The following NOS3 variants were observed in gnomAD, a reference collection of about 807,000 sequenced individuals.
NOS3 encodes the protein NOS type III.
NOS3 carries 98 observed loss-of-function variants against 144.9 expected under a neutral mutation model. The observed-to-expected ratio is 0.68, with a 90% CI of 0.57 to 0.80. NOS3 has a LOEUF of 0.80. NOS3 is among the 30% of genes least tolerant of loss of function. The pLI, the probability that NOS3 is intolerant of heterozygous loss-of-function variation, is 0.00. For synonymous variants in NOS3, 714 were observed against 702.4 expected, an observed-to-expected ratio of 1.02 and a Z score of -0.26; for missense variants, 1,465 against 1,656.4, an observed-to-expected ratio of 0.88 and a Z score of 2.01.
chr7:151,007,124 T>C lies in NOS3; in HGVS notation c.1960T>C (p.Ser654Pro). 1 of 1,613,996 alleles carries C rather than the reference T, an allele frequency of 6.2e-7. No individual in the cohort carries two copies. Among genetic ancestry groups the C allele is most frequent in the East Asian group, 2.2e-5 (1 of 44,870 alleles). The change falls in exon 17 of 27, where the codon TCC (serine) becomes CCC (proline). Residue 654 changes from serine to proline, a missense_variant. Physicochemically the swap from Ser to Pro is moderately conservative, Grantham distance 74. This residue lies in a region of NOS3 where 745 missense variants were observed against 853.9 expected (regional missense o/e 0.87). Coordinates refer to ENST00000297494, the MANE Select transcript of NOS3 (RefSeq NM_000603.5). ...TLRFCVFGLG[S>P]RAYPHFCAFA... Reference sequence around the variant, plus strand: ...CAGGTTCTGTGTGTTCGGGCTCGGCTCCCGGGCATACCCCCACTTCTGCGC... The same window carrying C: ...CAGGTTCTGTGTGTTCGGGCTCGGCCCCCGGGCATACCCCCACTTCTGCGC...
Position 151,002,621 on chromosome 7 carries a change from A to C in NOS3, c.1752+317A>C, listed in dbSNP as rs1795134948. On this transcript the variant is annotated intron_variant, in intron 14 of 26. Coordinates refer to ENST00000297494, the MANE Select transcript of NOS3 (RefSeq NM_000603.5). This position sits in a 1 kb window ranked among gnomAD's most constrained non-coding sequence, Gnocchi z 4.1. ...CAAGTTTTTAATACAAGGAAGGCAC[A>C]TCCTGGCTGACCAAGAGGTTAGACT... 6.6e-6 allele frequency among the ~76,000 whole-genome samples: 1 copy of C among 152,198 alleles called. No individual in the cohort carries two copies. Among genetic ancestry groups the C allele is most frequent in the Non-Finnish European group, 1.5e-5 (1 of 68,042 alleles).
intron 4 of NOS3, 89 bp downstream of exon 4, chr7:150,996,641 C>A: frequency 6.7e-7 from 1 of 1,495,134 alleles, no homozygotes; most frequent in East Asian, 2.3e-5. Flanking sequence ...CCTCCCTTCC[C>A]AGATCCTAAC....
At chr7:151,009,787 C>T (rs1795266594) in intron 20 of NOS3, among the ~76,000 whole-genome samples, 1 of 152,222 alleles carries the variant, frequency 6.6e-6, no homozygotes, top group Non-Finnish European at 1.5e-5. Flanking sequence ...TCAAATGCAC[C>T]CCCACCAAAA....
Position 150,999,178 on chromosome 7 carries a change from C to A in NOS3, c.957-12C>A. On this transcript the variant is annotated splice_polypyrimidine_tract_variant and intron_variant, in intron 8 of 26. Coordinates refer to ENST00000297494, the MANE Select transcript of NOS3 (RefSeq NM_000603.5). ...GCAAGGGGGTGCTGATCCCACACCC[C>A]AACACCCCCAGGCTGGAGTGGTTTG... 1 of 1,609,762 alleles carries A rather than the reference C, an allele frequency of 6.2e-7. No homozygotes were observed. Among genetic ancestry groups the A allele is most frequent in the Non-Finnish European group, 8.5e-7 (1 of 1,178,812 alleles).
Position 151,014,078 on chromosome 7 carries a change from G to A in NOS3, c.3521G>A (p.Arg1174His). ...LRTQEVTSRI[R>H]TQSFSLQERQ... is the part of the protein sequence containing the mutation. Reference sequence around the variant, plus strand: ...ACCCAGGAGGTGACAAGCCGCATACGCACCCAGAGCTTTTCCTTGCAGGAG... The same window carrying A: ...ACCCAGGAGGTGACAAGCCGCATACACACCCAGAGCTTTTCCTTGCAGGAG... The change falls in exon 27 of 27, where the codon CGC becomes CAC. Residue 1174 changes from arginine to histidine, a missense_variant. This residue lies in a region of NOS3 where 228 missense variants were observed against 227.7 expected (regional missense o/e 1.00). Transcript: ENST00000297494. 6.2e-7 allele frequency: 1 copy of A among 1,613,834 alleles called. No individual in the cohort carries two copies. Among genetic ancestry groups the A allele is most frequent in the Non-Finnish European group, 8.5e-7 (1 of 1,179,922 alleles).
chr7:151,010,152 G>GC lies in NOS3; in HGVS notation c.2555dup (p.Cys853ValfsTer179). 2 of 1,609,570 alleles carry GC rather than the reference G, an allele frequency of 1.2e-6. No homozygotes were observed. The highest frequency in any genetic ancestry group is 1.7e-6 in the Non-Finnish European group (2 of 1,178,452). ...CCGGCTGGGTGCGGGACCCCCGGCTGCCCCCGTGCACGCTGCGCCAGGCTC... is the reference window on the plus strand; with the variant it reads ...CCGGCTGGGTGCGGGACCCCCGGCTGCCCCCCGTGCACGCTGCGCCAGGCTC... On this transcript the variant is annotated frameshift_variant, in exon 21 of 27. Transcript: ENST00000297494. LOFTEE classifies it high-confidence loss of function.
rs3138808 is a variant in NOS3 at position 151,002,383 on chromosome 7, AACACACACACACACACACACACAC to A, written c.1752+126_1752+149del. On this transcript the variant is annotated intron_variant, in intron 14 of 26. Coordinates refer to ENST00000297494, the MANE Select transcript of NOS3 (RefSeq NM_000603.5). The surrounding 1 kb of genome is among the most constrained non-coding windows in gnomAD (Gnocchi z 4.1). ...AGTGACTGGGCAGGAACCTCTGCCC[AACACACACACACACACACACACAC>A]ACACACACACACACACACACACACA... 5.3e-3 allele frequency: 1,440 copies of A among 270,876 alleles called. 4 individuals carry two copies. The highest frequency in any genetic ancestry group is 0.015 in the East Asian group (146 of 9,796). 16.8% of individuals were successfully genotyped at this position (270,876 alleles called of 1,614,324 possible). A position where few individuals can be genotyped will look rare whatever the true frequency, so the allele number is the denominator to read the frequency against.
At chr7:150,991,684 C>T (rs1349242878) in intron 1 of NOS3, among the ~76,000 whole-genome samples, 2 of 152,142 alleles carry the variant, frequency 1.3e-5, no homozygotes, top group Non-Finnish European at 2.9e-5. Flanking sequence ...AGGGACGGGC[C>T]ACAGCCAGTG....
chr7:151,006,631 C>A, intron 15 of NOS3, 137 bp downstream of exon 15: 1 of 776,656 alleles, frequency 1.3e-6, no homozygotes, highest in Non-Finnish European at 2.1e-6. Context: ...GGATGCCCTC[C>A]ATTCCAGGCT....
At position 151,003,651 on chromosome 7, in the gene NOS3, TC is replaced by T; in HGVS notation, c.1752+1350del. The T allele has an allele frequency of 1.3e-6, 1 of 760,822 alleles. No individual in the cohort carries two copies. The highest frequency in any genetic ancestry group is 2.0e-6 in the Non-Finnish European group (1 of 491,714). The allele number at this position is 760,822 out of a possible 1,614,324, so 47.1% of individuals were successfully genotyped here. A position where few individuals can be genotyped will look rare whatever the true frequency, so the allele number is the denominator to read the frequency against. On this transcript the variant is annotated intron_variant, in intron 14 of 26. Transcript: ENST00000297494. The surrounding 1 kb of genome is among the most constrained non-coding windows in gnomAD (Gnocchi z 4.1). The stretch of plus-strand genomic sequence containing the variant: ...TCATCAGTTCCTCACGTGAATCCCT[TC>T]CCAGTCTGTCTCCCTGCCAGAAGTG...
intron 25 of NOS3, 24 bp downstream of exon 25, chr7:151,013,403 G>A: frequency 6.2e-7 from 1 of 1,601,260 alleles, no homozygotes; most frequent in South Asian, 1.1e-5. Flanking sequence ...AGGGCGCAAT[G>A]GTAACCTGAA....
chr7:151,001,189 G>A, intron 10 of NOS3, 42 bp from the exon 11 acceptor site: 2 of 1,600,076 alleles, frequency 1.2e-6, no homozygotes, highest in Non-Finnish European at 8.5e-7. Flanking sequence ...GGCGAGGTCT[G>A]TGGGTCTGGT....
In NOS3 at chr7:150,996,494, G is replaced by A. The variant is rs1454683234; in HGVS notation, c.361G>A (p.Glu121Lys). The part of the protein sequence containing the change: ...GRPSPGPPAP[E>K]QLLSQARDFI... ...GCCCTCCCCCGGCCCCCCGGCCCCTGAGCAGCTGCTGAGTCAGGCCCGGGA... is the reference window on the plus strand; with the variant it reads ...GCCCTCCCCCGGCCCCCCGGCCCCTAAGCAGCTGCTGAGTCAGGCCCGGGA... The change falls in exon 4 of 27, where the codon GAG becomes AAG. Residue 121 changes from glutamate (E) to lysine (K), a missense_variant. Glu to Lys is a moderately conservative substitution (Grantham distance 56). This residue lies in a region of NOS3 where 374 missense variants were observed against 377.0 expected (regional missense o/e 0.99). Coordinates refer to ENST00000297494, the MANE Select transcript of NOS3 (RefSeq NM_000603.5). The A allele has an allele frequency of 5.0e-6, 8 of 1,603,970 alleles. No individual in the cohort carries two copies. In the South Asian group the frequency reaches 7.8e-5, roughly 16 times the overall value.
At chr7:150,997,653 C>A (rs568368586) in intron 5 of NOS3, among the ~76,000 whole-genome samples, 10 of 152,336 alleles carry the variant, frequency 6.6e-5, no homozygotes, top group Admixed American at 2.0e-4. Flanking sequence ...CCCAGTGAAT[C>A]CCAAAGGAAC....
chr7:151,012,320 A>C, intron 23 of NOS3, 31 bp from the exon 24 acceptor site: 2 of 1,536,654 alleles, frequency 1.3e-6, no homozygotes, highest in African/African-American at 1.4e-5. Flanking sequence ...GGAAAGGCAA[A>C]GGGGACCTGA....
rs1795261927 is a variant in NOS3, at chr7:151,009,577, G to A, written c.2504G>A (p.Gly835Asp). The A allele has an allele frequency of 6.5e-6, 10 of 1,534,558 alleles. No homozygotes were observed. The highest frequency in any genetic ancestry group is 8.8e-6 in the Non-Finnish European group (10 of 1,140,058). ...GTGGCAGTAGAGCAGCTGGAGAAGG[G>A]CAGCCCTGGTGAGGGGCAGCCTGGG... ...EPVAVEQLEK[G>D]SPGGPPPGWV... The change falls in exon 20 of 27, where the codon GGC becomes GAC. Residue 835 changes from glycine to aspartate, a missense_variant. This residue lies in a region of NOS3 where 745 missense variants were observed against 853.9 expected (regional missense o/e 0.87). Coordinates refer to ENST00000297494, the MANE Select transcript of NOS3 (RefSeq NM_000603.5).
Position 150,996,499 on chromosome 7 carries a change from G to A in NOS3, c.366G>A (p.Gln122=). ...RPSPGPPAPE[Q]LLSQARDFIN... ...CCCCCGGCCCCCCGGCCCCTGAGCA[G>A]CTGCTGAGTCAGGCCCGGGACTTCA... The change falls in exon 4 of 27, where the codon CAG becomes CAA. Residue 122 remains glutamine, a synonymous_variant. Transcript: ENST00000297494. The A allele has an allele frequency of 6.2e-7, 1 of 1,605,808 alleles. No individual in the cohort carries two copies. Among genetic ancestry groups the A allele is most frequent in the Non-Finnish European group, 8.5e-7 (1 of 1,177,826 alleles).
Position 150,999,218 on chromosome 7 carries a change from C to A in NOS3, c.985C>A (p.Arg329Ser). The A allele has an allele frequency of 6.2e-7, 1 of 1,610,884 alleles. No homozygotes were observed. The highest frequency in any genetic ancestry group is 8.5e-7 in the Non-Finnish European group (1 of 1,179,258). The change falls in exon 9 of 27, where the codon CGC becomes AGC. Residue 329 changes from arginine (R) to serine (S), a missense_variant. Transcript: ENST00000297494. ...GGAGTGGTTTGCAGCCCTGGGCCTGCGCTGGTACGCCCTCCCGGCAGTGTC... is the reference window on the plus strand; with the variant it reads ...GGAGTGGTTTGCAGCCCTGGGCCTGAGCTGGTACGCCCTCCCGGCAGTGTC... ...TLEWFAALGL[R>S]WYALPAVSNM...
chr7:151,013,970 C>T lies in NOS3; in HGVS notation c.3451-38C>T, dbSNP rs373107349. The T allele has an allele frequency of 2.9e-5, 46 of 1,607,056 alleles. No individual in the cohort carries two copies. In the African/African-American group the frequency reaches 5.5e-4, roughly 19 times the overall value. ...CGTGCGGGGTTCCTGCTAAGGTCTC[C>T]GAGTCGGGTTCTGATCCACTGTGCT... On this transcript the variant is annotated intron_variant, in intron 26 of 26. Transcript: ENST00000297494.
Sources: gnomAD v4.1 joint callset for allele counts (sites outside exome capture counted in the v4.1 genomes callset) on GRCh38, gnomAD v4.1.1 for gene constraint, gnomAD v4.1.1 regional missense constraint, Gnocchi (gnomAD v3.1) non-coding constraint, MANE v1.5 for transcripts, NCBI Gene and HGNC (gene_info 2026-07-23, HGNC 2026-07-21) for gene names.